DOCK2: variants seen among roughly 807,000 people sequenced by gnomAD.
The protein encoded by DOCK2 is dedicator of cytokinesis 2.
DOCK2 carries 87 observed loss-of-function variants against 248.9 expected under a neutral mutation model. That is an observed-to-expected ratio of 0.35 (90% confidence interval 0.29 to 0.42). The LOEUF is 0.42. Among genes scored for constraint, DOCK2 ranks in the 10% least tolerant of loss-of-function variants. DOCK2 has a pLI of 1.00. For missense variants in DOCK2, 1,747 were observed against 2,300.2 expected (o/e 0.76, Z 4.92); for synonymous variants, 805 against 821.6 (o/e 0.98, Z 0.35).
At chr5:169,942,810 T>C (rs1373346044) in intron 27 of DOCK2, among the ~76,000 whole-genome samples, 3 of 152,228 alleles carry the variant, frequency 2.0e-5, no homozygotes, top group African/African-American at 7.2e-5. Flanking sequence ...TCAGTCTTTG[T>C]TGCTTCCAAG....
At chr5:169,709,181 A>G (rs1244689071) in intron 15 of DOCK2, among the ~76,000 whole-genome samples, 1 of 152,218 alleles carries the variant, frequency 6.6e-6, no homozygotes, top group Non-Finnish European at 1.5e-5. Context: ...GCATTCCTTC[A>G]AGATGCCCTT....
intron 27 of DOCK2, among the ~76,000 whole-genome samples, chr5:169,850,580 A>G: frequency 6.6e-6 from 1 of 152,162 alleles, no homozygotes; most frequent in East Asian, 1.9e-4. Flanking sequence ...TTGAAATGAC[A>G]GTTTGTAGCC....
At chr5:169,902,542 C>T (rs185820203) in intron 27 of DOCK2, among the ~76,000 whole-genome samples, 9 of 152,276 alleles carry the variant, frequency 5.9e-5, no homozygotes, top group Admixed American at 5.9e-4. Flanking sequence ...CAGCCTTGAC[C>T]TGGGTTGAGA....
At chr5:169,740,046 G>A (rs1763231016) in intron 22 of DOCK2, among the ~76,000 whole-genome samples, 1 of 152,230 alleles carries the variant, frequency 6.6e-6, no homozygotes, top group South Asian at 2.1e-4. Flanking sequence ...TTACTTAAGT[G>A]CAGAATTATG....
intron 9 of DOCK2, among the ~76,000 whole-genome samples, chr5:169,690,926 G>A (rs1760259438): frequency 6.6e-6 from 1 of 152,206 alleles, no homozygotes; most frequent in Non-Finnish European, 1.5e-5. Flanking sequence ...CTGTTAAGAT[G>A]ATCAGTCTTG....
At chr5:169,973,852 G>A (rs930202583) in intron 27 of DOCK2, among the ~76,000 whole-genome samples, 1 of 152,106 alleles carries the variant, frequency 6.6e-6, no homozygotes, top group African/African-American at 2.4e-5. Flanking sequence ...TTATCCATAT[G>A]TCCATACATC....
intron 25 of DOCK2, among the ~76,000 whole-genome samples, chr5:169,792,842 T>A (rs1766431155): frequency 6.6e-6 from 1 of 152,216 alleles, no homozygotes; most frequent in South Asian, 2.1e-4. Flanking sequence ...TATGCATTTT[T>A]ATTTTTCTAA....
chr5:169,804,576 G>A (rs1405228242), intron 26 of DOCK2, among the ~76,000 whole-genome samples: 1 of 151,738 alleles, frequency 6.6e-6, no homozygotes, highest in East Asian at 1.9e-4. Flanking sequence ...AATAATTAAT[G>A]ATCATATCTC....
intron 22 of DOCK2, among the ~76,000 whole-genome samples, chr5:169,736,035 TATGAGAACTCACTCACTGTC>T (rs1296382076): frequency 6.6e-6 from 1 of 151,830 alleles, no homozygotes; most frequent in East Asian, 1.9e-4. Flanking sequence ...AACCAGATCT[TATGAGAACTCACTCACTGTC>T]ATGAGAACAG....
chr5:169,716,337 G>C, intron 20 of DOCK2, 35 bp downstream of exon 20: 1 of 1,599,622 alleles, frequency 6.3e-7, no homozygotes, highest in Non-Finnish European at 8.6e-7. Flanking sequence ...AGTGACAACA[G>C]GCATTAATGT....
At chr5:169,911,358 T>C (rs759016869) in intron 27 of DOCK2, among the ~76,000 whole-genome samples, 8 of 152,206 alleles carry the variant, frequency 5.3e-5, no homozygotes, top group Non-Finnish European at 1.0e-4. Context: ...TTCACTTCTC[T>C]TTTCATGCTA....
At position 169,700,250 on chromosome 5, in the gene DOCK2, C is replaced by G. The variant is rs1760885983; in HGVS notation, c.1258+111C>G. The G allele has an allele frequency of 4.2e-6, 6 of 1,445,188 alleles. No homozygotes were observed. The South Asian group carries it at 8.4e-5, about 20-fold the overall frequency. The allele number at this position is 1,445,188 out of a possible 1,614,324, so 89.5% of individuals were successfully genotyped here. The stretch of plus-strand genomic sequence containing the variant: ...TCCTTCCTTTTTTACTGCCTCTCTC[C>G]ATTTCTGTCCCTGAAGGTAACAACT... On this transcript the variant is annotated intron_variant, in intron 13 of 51. Coordinates refer to ENST00000520908, the MANE Select transcript of DOCK2 (RefSeq NM_004946.3).
intron 25 of DOCK2, among the ~76,000 whole-genome samples, chr5:169,792,302 T>C (rs1344324651): frequency 6.6e-6 from 1 of 151,976 alleles, no homozygotes; most frequent in Non-Finnish European, 1.5e-5. Flanking sequence ...TCCTCTTGCA[T>C]GAATTTGAAG....
intron 13 of DOCK2, among the ~76,000 whole-genome samples, chr5:169,700,833 G>T (rs1299292915): frequency 6.6e-6 from 1 of 151,824 alleles, no homozygotes; most frequent in Non-Finnish European, 1.5e-5. Flanking sequence ...ACTGTTATCT[G>T]ATCTTGCAAG....
intron 27 of DOCK2, among the ~76,000 whole-genome samples, chr5:169,907,519 A>G (rs1401052463): frequency 1.3e-5 from 2 of 152,246 alleles, no homozygotes; most frequent in African/African-American, 2.4e-5. Context: ...GGTAACCACC[A>G]CTTAGCGAAG....
rs764414674 is a variant in DOCK2 at position 169,669,334 on chromosome 5, G to T, written c.168+6G>T. On this transcript the variant is annotated splice_donor_region_variant and intron_variant, in intron 3 of 51. Transcript: ENST00000520908. ...TAAAGCACAAAATGTTACAGGTAAG[G>T]TCACCTGGTTTTTATTTGTGTCAGT... 1.3e-5 allele frequency: 21 copies of T among 1,613,990 alleles called. No homozygotes were observed. In the East Asian group the frequency reaches 4.0e-4, roughly 31 times the overall value.
At chr5:170,002,250 A>C (rs1255788255) in intron 30 of DOCK2, among the ~76,000 whole-genome samples, 1 of 152,114 alleles carries the variant, frequency 6.6e-6, no homozygotes, top group Non-Finnish European at 1.5e-5. Flanking sequence ...AAAAAAAAAA[A>C]ATTGGAATCA....
intron 27 of DOCK2, among the ~76,000 whole-genome samples, chr5:169,963,468 A>C (rs1581477676): frequency 6.6e-6 from 1 of 152,176 alleles, no homozygotes; most frequent in Non-Finnish European, 1.5e-5. Context: ...CTCTGGTCCT[A>C]GGCCCATTGT....
chr5:170,068,511 C>T (rs1021110108), intron 45 of DOCK2, among the ~76,000 whole-genome samples: 5 of 152,126 alleles, frequency 3.3e-5, no homozygotes, highest in African/African-American at 7.2e-5. Context: ...TTCCAGTCAC[C>T]TAATCAATCC....
Sources: gnomAD v4.1 joint callset for allele counts (sites outside exome capture counted in the v4.1 genomes callset) on GRCh38, gnomAD v4.1.1 for gene constraint, MANE v1.5 for transcripts, NCBI Gene and HGNC (gene_info 2026-07-23, HGNC 2026-07-21) for gene names.